FAM120A: variants seen among roughly 807,000 people sequenced by gnomAD.
FAM120A encodes the protein constitutive coactivator of PPAR-gamma-like protein 1.
FAM120A carries 15 observed loss-of-function variants against 109.7 expected under a neutral mutation model. The ratio of observed to expected loss-of-function variants is 0.14; its 90% CI spans 0.09 to 0.21. The LOEUF is 0.21. Ranked by LOEUF, FAM120A falls within the 10% of genes least tolerant of loss-of-function variation. The pLI is 1.00. For synonymous variants in FAM120A, 493 were observed against 572.8 expected, an observed-to-expected ratio of 0.86 and a Z score of 1.99; for missense variants, 899 against 1,439.3, an observed-to-expected ratio of 0.62 and a Z score of 6.07.
intron 3 of FAM120A, among the ~76,000 whole-genome samples, chr9:93,486,758 T>A (rs1859075731): frequency 1.3e-5 from 2 of 152,050 alleles, no homozygotes; most frequent in African/African-American, 4.8e-5. Context: ...GGCCTCAAAC[T>A]CCTGACCTCA....
At chr9:93,489,016 A>AC (rs1859196207) in intron 3 of FAM120A, among the ~76,000 whole-genome samples, 1 of 151,984 alleles carries the variant, frequency 6.6e-6, no homozygotes, top group Admixed American at 6.6e-5. Flanking sequence ...GTTAAAAAAA[A>AC]AAAAAAAAGT....
At position 93,454,828 on chromosome 9, in the gene FAM120A, G is replaced by A. The variant is rs184848112; in HGVS notation, c.474+2439G>A. Among the ~76,000 whole-genome samples, 255 of 152,242 alleles carry A rather than the reference G, an allele frequency of 1.7e-3. 3 individuals are homozygous for A. Among genetic ancestry groups the A allele is most frequent in the African/African-American group, 6.0e-3 (248 of 41,530 alleles). Reference sequence around the variant, plus strand: ...AAGATACCCATAAAGTGGTTAAAACGTTTAAAACCATGATATCACTACATG... The same window carrying A: ...AAGATACCCATAAAGTGGTTAAAACATTTAAAACCATGATATCACTACATG... On this transcript the variant is annotated intron_variant, in intron 1 of 17. Transcript: ENST00000277165.
At chr9:93,545,777 C>T (rs1025588239) in intron 11 of FAM120A, among the ~76,000 whole-genome samples, 3 of 92,496 alleles carry the variant, frequency 3.2e-5, no homozygotes, top group African/African-American at 1.1e-4. Context: ...ATGGGAAAGA[C>T]TCCTTTTTTT....
chr9:93,452,020 G>A lies in FAM120A; in HGVS notation c.105G>A (p.Gly35=). 6.4e-7 allele frequency: 1 copy of A among 1,559,140 alleles called. No homozygotes were observed. Among genetic ancestry groups the A allele is most frequent in the Non-Finnish European group, 8.7e-7 (1 of 1,152,872 alleles). Residue 35 remains glycine (G), a synonymous_variant, in exon 1 of 18, where the codon GGG becomes GGA. Coordinates refer to ENST00000277165, the MANE Select transcript of FAM120A (RefSeq NM_014612.5). This position sits in a 1 kb window ranked among gnomAD's most constrained non-coding sequence, Gnocchi z 7.0. ...KLARGSLVGG[G]RQRPPQTPLR... ...CCCGGGGCAGCCTGGTGGGCGGCGGGCGGCAGCGGCCCCCGCAGACCCCGC... is the reference window on the plus strand; with the variant it reads ...CCCGGGGCAGCCTGGTGGGCGGCGGACGGCAGCGGCCCCCGCAGACCCCGC...
At chr9:93,559,291 G>A (rs907100500) in intron 15 of FAM120A, among the ~76,000 whole-genome samples, 2 of 152,216 alleles carry the variant, frequency 1.3e-5, no homozygotes, top group Non-Finnish European at 2.9e-5. Context: ...TCTTGTGATG[G>A]TGCTGTAATT....
chr9:93,479,894 A>T (rs1858722177), intron 3 of FAM120A, among the ~76,000 whole-genome samples: 1 of 152,240 alleles, frequency 6.6e-6, no homozygotes, highest in African/African-American at 2.4e-5. Context: ...TTGAAAGAAT[A>T]GCACGTCTGC....
intron 3 of FAM120A, among the ~76,000 whole-genome samples, chr9:93,479,786 C>T (rs1306129787): frequency 5.9e-5 from 9 of 152,198 alleles, no homozygotes. Context: ...TGCATTCATT[C>T]ATTCACTGTA....
At chr9:93,496,317 T>C (rs1017526371) in intron 3 of FAM120A, among the ~76,000 whole-genome samples, 7 of 152,218 alleles carry the variant, frequency 4.6e-5, no homozygotes, top group African/African-American at 1.7e-4. Context: ...TCCAGAAGGT[T>C]TTCAATGTGC....
chr9:93,523,320 A>G, intron 7 of FAM120A: 2 of 1,289,484 alleles, frequency 1.6e-6, no homozygotes, highest in Non-Finnish European at 2.0e-6. Flanking sequence ...TGTGTTTCAC[A>G]AAGAGAATTC....
At chr9:93,476,835 T>C (rs1166031798) in intron 3 of FAM120A, among the ~76,000 whole-genome samples, 1 of 152,228 alleles carries the variant, frequency 6.6e-6, no homozygotes. Flanking sequence ...AATATTCTTT[T>C]TCTCCCTTTT....
At chr9:93,506,731 G>T (rs1860077801) in intron 5 of FAM120A, among the ~76,000 whole-genome samples, 1 of 152,044 alleles carries the variant, frequency 6.6e-6, no homozygotes, top group Non-Finnish European at 1.5e-5. Flanking sequence ...CCGAGTAGCT[G>T]GGATTACAGG....
At chr9:93,544,260 C>CT (rs908953699) in intron 11 of FAM120A, among the ~76,000 whole-genome samples, 33 of 152,200 alleles carry the variant, frequency 2.2e-4, no homozygotes, top group African/African-American at 7.5e-4. Context: ...CTTTTTTGCC[C>CT]TACAAGATGC....
intron 3 of FAM120A, among the ~76,000 whole-genome samples, chr9:93,482,359 T>C (rs1239968773): frequency 6.6e-6 from 1 of 151,874 alleles, no homozygotes; most frequent in Non-Finnish European, 1.5e-5. Flanking sequence ...TCCAGCTAAT[T>C]TTTTGTATTT....
At chr9:93,467,877 T>A (rs1210705031) in intron 1 of FAM120A, among the ~76,000 whole-genome samples, 2 of 151,996 alleles carry the variant, frequency 1.3e-5, no homozygotes, top group East Asian at 1.9e-4. Flanking sequence ...TTTTTGTATT[T>A]TTTTTGGTTT....
At chr9:93,544,053 CA>C (rs1861799030) in intron 11 of FAM120A, among the ~76,000 whole-genome samples, 1 of 152,188 alleles carries the variant, frequency 6.6e-6, no homozygotes. Flanking sequence ...TGTTGACCAA[CA>C]CATTAGTGTG....
At chr9:93,492,262 T>C (rs1859360868) in intron 3 of FAM120A, among the ~76,000 whole-genome samples, 1 of 152,236 alleles carries the variant, frequency 6.6e-6, no homozygotes, top group Non-Finnish European at 1.5e-5. Flanking sequence ...GCTTTTATCA[T>C]GTTAAAACAC....
At chr9:93,535,633 T>C (rs1468924736) in intron 10 of FAM120A, among the ~76,000 whole-genome samples, 1 of 152,196 alleles carries the variant, frequency 6.6e-6, no homozygotes, top group Non-Finnish European at 1.5e-5. Context: ...TCTAGGTCTT[T>C]ATAGGGAGCT....
At chr9:93,494,596 G>A (rs186187412) in intron 3 of FAM120A, among the ~76,000 whole-genome samples, 200 of 152,200 alleles carry the variant, frequency 1.3e-3, no homozygotes, top group Admixed American at 3.0e-3. Context: ...TTTCTTGGTC[G>A]GGCAGCTCTG....
rs1248588369 is a variant in FAM120A, at chr9:93,565,805, G to A, written c.*1265G>A. 2.0e-5 allele frequency: 3 copies of A among 152,332 alleles called. No individual in the cohort carries two copies. The highest frequency in any genetic ancestry group is 4.8e-5 in the African/African-American group (2 of 41,340). The allele number at this position is 152,332 out of a possible 1,614,324, so 9.4% of individuals were successfully genotyped here. On this transcript the variant is annotated 3_prime_UTR_variant, in exon 18 of 18. Transcript: ENST00000277165. ...GCAGGTATACTTCTATCATTTTGAT[G>A]TTTTTGTTAATGTTTCCAAACAATG...
Sources: allele counts gnomAD v4.1 joint callset (sites outside exome capture counted in the v4.1 genomes callset), GRCh38; gene constraint gnomAD v4.1.1; non-coding constraint Gnocchi (gnomAD v3.1); transcripts MANE v1.5; gene names NCBI Gene and HGNC (gene_info 2026-07-23, HGNC 2026-07-21).